TLN2: variants seen among roughly 807,000 people sequenced by gnomAD.
The protein encoded by TLN2 is talin-2.
Under a neutral mutation model 294.7 loss-of-function variants are expected in TLN2, and 118 were observed. That is an observed-to-expected ratio of 0.40 (90% CI 0.34 to 0.47). The LOEUF (loss-of-function observed/expected upper bound fraction) is 0.47, where lower values mean the gene tolerates loss of function less well. TLN2 is among the 20% of genes least tolerant of loss of function. The pLI, the probability that TLN2 is intolerant of heterozygous loss-of-function variation, is 0.84. For synonymous variants in TLN2, 1,431 were observed against 1,304.5 expected (o/e 1.10, Z -2.09); for missense variants, 3,083 against 3,282.2 (o/e 0.94, Z 1.48).
chr15:62,696,766 C>G (rs749369785), intron 14 of TLN2, among the ~76,000 whole-genome samples: 59 of 152,140 alleles, frequency 3.9e-4, no homozygotes, highest in Non-Finnish European at 7.6e-4. Context: ...AGAATCTTCC[C>G]AATATTTAGT....
In TLN2 at chr15:62,811,686, G is replaced by A. The variant is rs145627657; in HGVS notation, c.6771+1654G>A. On this transcript the variant is annotated intron_variant, in intron 52 of 58. Transcript: ENST00000636159. Reference sequence around the variant, plus strand: ...GAAATGAGCATGTCTGGAAACCTAGGGCTTTGTGGCCAAGCTAACATTTGC... The same window carrying A: ...GAAATGAGCATGTCTGGAAACCTAGAGCTTTGTGGCCAAGCTAACATTTGC... Among the ~76,000 whole-genome samples the A allele has an allele frequency of 1.1e-4, 17 of 152,154 alleles. No homozygotes were observed. The East Asian group carries it at 2.7e-3, about 24-fold the overall frequency.
rs937421 is a variant in TLN2, at chr15:62,843,611, C to T, written c.*3001C>T. ...TATGCTTTTATCAGGGAAAACCCTT[C>T]GAGCTTCTTCTGATTCTCACCTGCT... On this transcript the variant is annotated 3_prime_UTR_variant, in exon 59 of 59. Coordinates refer to ENST00000636159, the MANE Select transcript of TLN2 (RefSeq NM_015059.3). 0.16 allele frequency: 24,090 copies of T among 152,320 alleles called. 2,224 individuals are homozygous for T. Among genetic ancestry groups the T allele is most frequent in the South Asian group, 0.36 (1,716 of 4,822 alleles). The allele number at this position is 152,320 out of a possible 1,614,324, so 9.4% of individuals were successfully genotyped here. A position where few individuals can be genotyped will look rare whatever the true frequency, so the allele number is the denominator to read the frequency against.
intron 18 of TLN2, among the ~76,000 whole-genome samples, 168 bp from the exon 19 acceptor site, chr15:62,702,598 C>T (rs1256648572): frequency 6.6e-6 from 1 of 152,218 alleles, no homozygotes; most frequent in Non-Finnish European, 1.5e-5. Context: ...TGGATGTTTC[C>T]TTTCACGGAT....
intron 2 of TLN2, among the ~76,000 whole-genome samples, chr15:62,600,481 A>T (rs2140777981): frequency 6.6e-6 from 1 of 152,202 alleles, no homozygotes; most frequent in East Asian, 1.9e-4. Context: ...CCCTGTGTTT[A>T]AGGACCATGT....
At chr15:62,649,869 G>A (rs1011589487) in intron 4 of TLN2, 5 of 501,472 alleles carry the variant, frequency 1.0e-5, no homozygotes, top group African/African-American at 3.8e-5. Context: ...TAGGAAACAC[G>A]GACCTTATTT....
At chr15:62,552,494 A>G (rs1180895108) in intron 1 of TLN2, among the ~76,000 whole-genome samples, 2 of 152,174 alleles carry the variant, frequency 1.3e-5, no homozygotes, top group African/African-American at 4.8e-5. Context: ...CTCTTGTTTT[A>G]GCTCTCATAC....
intron 1 of TLN2, among the ~76,000 whole-genome samples, chr15:62,432,571 A>G (rs908443129): frequency 3.9e-5 from 6 of 152,342 alleles, no homozygotes; most frequent in Admixed American, 6.5e-5. Context: ...GAGATGATGT[A>G]TGTGAAGGCA....
At chr15:62,399,201 C>T (rs909300292) in intron 1 of TLN2, among the ~76,000 whole-genome samples, 1 of 133,558 alleles carries the variant, frequency 7.5e-6, no homozygotes, top group Non-Finnish European at 1.5e-5. Flanking sequence ...TATAGAAATG[C>T]CTGGATGCGC....
chr15:62,695,839 G>A (rs866089312), intron 14 of TLN2, among the ~76,000 whole-genome samples: 4 of 152,172 alleles, frequency 2.6e-5, no homozygotes, highest in African/African-American at 9.7e-5. Flanking sequence ...GGTGATCTGC[G>A]TCACTTCAGA....
At chr15:62,612,079 A>G (rs1393748128) in intron 2 of TLN2, among the ~76,000 whole-genome samples, 1 of 151,644 alleles carries the variant, frequency 6.6e-6, no homozygotes, top group African/African-American at 2.4e-5. Context: ...GCTTGTATCT[A>G]AACCGCCCCC....
At chr15:62,695,014 A>G (rs1179269239) in intron 14 of TLN2, among the ~76,000 whole-genome samples, 1 of 152,202 alleles carries the variant, frequency 6.6e-6, no homozygotes, top group Non-Finnish European at 1.5e-5. Flanking sequence ...GTTACTAATA[A>G]AGCACATAAA....
At chr15:62,474,816 C>G (rs2037694689) in intron 1 of TLN2, among the ~76,000 whole-genome samples, 1 of 152,096 alleles carries the variant, frequency 6.6e-6, no homozygotes, top group African/African-American at 2.4e-5. Flanking sequence ...CCGGGCTGTC[C>G]CAGGTGGAAT....
chr15:62,640,380 A>T, intron 3 of TLN2: 1 of 456,758 alleles, frequency 2.2e-6, no homozygotes, highest in Non-Finnish European at 4.4e-6. Context: ...CAGAGAGAAG[A>T]GGGGGACGGT....
chr15:62,608,704 G>A (rs1267512735), intron 2 of TLN2, among the ~76,000 whole-genome samples: 9 of 152,082 alleles, frequency 5.9e-5, no homozygotes, highest in Non-Finnish European at 1.2e-4. Flanking sequence ...AGAGGAATTT[G>A]CTATGCTTGT....
chr15:62,747,400 T>C (rs924047697), intron 32 of TLN2, among the ~76,000 whole-genome samples: 1 of 152,228 alleles, frequency 6.6e-6, no homozygotes, highest in African/African-American at 2.4e-5. Context: ...AATAATTTTG[T>C]GGTCGCTTTT....
chr15:62,608,038 C>T (rs999120719), intron 2 of TLN2, among the ~76,000 whole-genome samples: 6 of 152,164 alleles, frequency 3.9e-5, no homozygotes, highest in Non-Finnish European at 5.9e-5. Flanking sequence ...ATCTTTAATA[C>T]TTTGGCGTAT....
chr15:62,749,395 T>C (rs959554573), intron 33 of TLN2, among the ~76,000 whole-genome samples: 1 of 152,270 alleles, frequency 6.6e-6, no homozygotes, highest in African/African-American at 2.4e-5. Context: ...TGTAGGTTGT[T>C]GATCTAAATG....
At chr15:62,618,137 A>G (rs755006196) in intron 2 of TLN2, among the ~76,000 whole-genome samples, 13 of 152,046 alleles carry the variant, frequency 8.6e-5, no homozygotes, top group African/African-American at 1.9e-4. Context: ...GGTTTCTTCA[A>G]TAACAGCCAG....
intron 34 of TLN2, 112 bp downstream of exon 34, chr15:62,750,603 A>G: frequency 3.4e-6 from 3 of 881,744 alleles, no homozygotes; most frequent in South Asian, 2.8e-5. Flanking sequence ...GGCTAGCCAC[A>G]TGTAGCATGA....
Sources: allele counts gnomAD v4.1 joint callset (sites outside exome capture counted in the v4.1 genomes callset), GRCh38; gene constraint gnomAD v4.1.1; transcripts MANE v1.5; gene names NCBI Gene and HGNC (gene_info 2026-07-23, HGNC 2026-07-21).